The following MSR1 variants were observed in gnomAD, a reference collection of about 807,000 sequenced individuals.
MSR1 encodes macrophage scavenger receptor types I and II.
A neutral mutation model predicts 47.2 loss-of-function variants in MSR1; 53 were observed. That is an observed-to-expected ratio of 1.12 (90% confidence interval 0.90 to 1.41). The LOEUF (loss-of-function observed/expected upper bound fraction) is 1.41, where lower values mean the gene tolerates loss of function less well. Among genes scored for constraint, MSR1 ranks in the 40% most tolerant of loss-of-function variants. MSR1 has a pLI of 0.00. For missense variants in MSR1, 786 were observed against 546.9 expected (o/e 1.44, Z -4.36); for synonymous variants, 239 against 185.6 (o/e 1.29, Z -2.34).
At chr8:16,167,058 C>T (rs1021681653) in intron 4 of MSR1, among the ~76,000 whole-genome samples, 1 of 152,078 alleles carries the variant, frequency 6.6e-6, no homozygotes, top group African/African-American at 2.4e-5. Context: ...TTTCACCATT[C>T]CCTTGCATTT....
intron 1 of MSR1, among the ~76,000 whole-genome samples, chr8:16,181,719 A>C (rs1406716544): frequency 1.3e-5 from 2 of 152,176 alleles, no homozygotes; most frequent in Non-Finnish European, 2.9e-5. Flanking sequence ...TGATGGGTGC[A>C]CCAAACCACC....
At chr8:16,175,823 A>G (rs1178311990) in intron 2 of MSR1, among the ~76,000 whole-genome samples, 1 of 152,192 alleles carries the variant, frequency 6.6e-6, no homozygotes, top group Non-Finnish European at 1.5e-5. Context: ...TACAGTGTAA[A>G]CAATATTTAA....
intron 8 of MSR1, chr8:16,121,081 A>C (rs1240479635): frequency 2.6e-6 from 1 of 390,214 alleles, no homozygotes; most frequent in Non-Finnish European, 4.9e-6. Flanking sequence ...AAAATAGGTG[A>C]TCAAACTTCA....
intron 8 of MSR1, among the ~76,000 whole-genome samples, chr8:16,138,344 G>A (rs1488464609): frequency 1.3e-5 from 2 of 152,152 alleles, no homozygotes; most frequent in African/African-American, 2.4e-5. Flanking sequence ...GTTAAGGTGA[G>A]AACACAACAG....
rs35281051 is a variant in MSR1 at position 16,109,481 on chromosome 8, T to C, written c.*604A>G. 0.032 allele frequency: 4,889 copies of C among 153,220 alleles called. 167 individuals carry two copies. Among genetic ancestry groups the C allele is most frequent in the East Asian group, 0.14 (728 of 5,186 alleles). 9.5% of individuals were successfully genotyped at this position (153,220 alleles called of 1,614,324 possible). On this transcript the variant is annotated 3_prime_UTR_variant, in exon 10 of 10. Transcript: ENST00000262101. ...TTACTTCATGATTCAATTAAACAGT[T>C]GTCAGTACATGACAAGAAAAATAAG...
At chr8:16,118,944 C>T (rs1799937176) in intron 9 of MSR1, among the ~76,000 whole-genome samples, 1 of 152,138 alleles carries the variant, frequency 6.6e-6, no homozygotes, top group Non-Finnish European at 1.5e-5. Context: ...TTCAAACCCA[C>T]ACTTTTCAAC....
chr8:16,189,834 T>C (rs1802142884), intron 1 of MSR1, among the ~76,000 whole-genome samples: 2 of 145,292 alleles, frequency 1.4e-5, no homozygotes, highest in Admixed American at 7.2e-5. Context: ...TTCTAAAATA[T>C]AATTTTTTCT....
chr8:16,126,261 T>C (rs1216889415), intron 8 of MSR1, among the ~76,000 whole-genome samples: 1 of 152,146 alleles, frequency 6.6e-6, no homozygotes, highest in Non-Finnish European at 1.5e-5. Context: ...ATGTAAGGTC[T>C]TCTTTGCATG....
intron 3 of MSR1, 127 bp from the exon 4 acceptor site, chr8:16,168,997 A>C: frequency 1.1e-6 from 1 of 945,392 alleles, no homozygotes; most frequent in Non-Finnish European, 1.6e-6. Context: ...TGCTAGGCTA[A>C]ATCGAGTATT....
chr8:16,122,736 A>G lies in MSR1; in HGVS notation c.1034-2130T>C, dbSNP rs533367300. 4.0e-5 allele frequency among the ~76,000 whole-genome samples: 6 copies of G among 151,296 alleles called. No homozygotes were observed. In the South Asian group the frequency reaches 6.3e-4, roughly 16 times the overall value. ...CAGAAACAGATAGTGCTGCTGATAC[A>G]ATCCTTTCATCTCATTTATTGCAAA... On this transcript the variant is annotated intron_variant, in intron 8 of 9. Transcript: ENST00000262101.
intron 8 of MSR1, among the ~76,000 whole-genome samples, chr8:16,138,027 T>C (rs937635128): frequency 6.0e-5 from 9 of 151,014 alleles, no homozygotes; most frequent in African/African-American, 2.2e-4. Context: ...AAAAAGCCCT[T>C]GCCTCACAGG....
At chr8:16,120,667 T>G in intron 8 of MSR1, 61 bp from the exon 9 acceptor site, 5 of 1,486,290 alleles carry the variant, frequency 3.4e-6, no homozygotes, top group Non-Finnish European at 4.5e-6. Context: ...ATTATGTACA[T>G]ACTGCTTTAC....
At position 16,108,821 on chromosome 8, in the gene MSR1, T is replaced by TA. The variant is rs1739805776; in HGVS notation, c.*1263dup. On this transcript the variant is annotated 3_prime_UTR_variant, in exon 10 of 10. Coordinates refer to ENST00000262101, the MANE Select transcript of MSR1 (RefSeq NM_138715.3). ...TATTATGTGTGGTGAGACTTCAGAA[T>TA]ATGAAAAAATGCTTAAGCTTATGCT... 1 of 152,124 alleles carries TA rather than the reference T, an allele frequency of 6.6e-6. No homozygotes were observed. 9.4% of individuals were successfully genotyped at this position (152,124 alleles called of 1,614,324 possible). A position where few individuals can be genotyped will look rare whatever the true frequency, so the allele number is the denominator to read the frequency against.
rs890212274 is a variant in MSR1 at position 16,186,627 on chromosome 8, C to T, written c.-5+5971G>A. ...GTCCAAGCCCCATCATCCCTTTCACCGTGACATTTCTTTTTTTTTTTTTTG... is the reference window on the plus strand; with the variant it reads ...GTCCAAGCCCCATCATCCCTTTCACTGTGACATTTCTTTTTTTTTTTTTTG... On this transcript the variant is annotated intron_variant, in intron 1 of 9. Transcript: ENST00000262101. Among the ~76,000 whole-genome samples the T allele has an allele frequency of 3.7e-4, 54 of 147,268 alleles. 1 individual carries two copies. The highest frequency in any genetic ancestry group is 1.5e-3 in the Admixed American group (21 of 14,124).
At chr8:16,172,534 T>G (rs1801515457) in intron 3 of MSR1, among the ~76,000 whole-genome samples, 1 of 152,164 alleles carries the variant, frequency 6.6e-6, no homozygotes, top group Non-Finnish European at 1.5e-5. Context: ...AGACAGAATT[T>G]TATGGTCTGT....
At chr8:16,117,284 G>A (rs1799898231) in intron 9 of MSR1, among the ~76,000 whole-genome samples, 1 of 152,158 alleles carries the variant, frequency 6.6e-6, no homozygotes, top group African/African-American at 2.4e-5. Flanking sequence ...GATCTAGGTT[G>A]CACGCTTCTT....
Position 16,109,844 on chromosome 8 carries a change from C to T in MSR1, c.*241G>A. 1 of 517,550 alleles carries T rather than the reference C, an allele frequency of 1.9e-6. No homozygotes were observed. Among genetic ancestry groups the T allele is most frequent in the South Asian group, 2.4e-5 (1 of 41,170 alleles). 32.1% of individuals were successfully genotyped at this position (517,550 alleles called of 1,614,324 possible). ...GCTATAAACTTCAAAATGTTCAATTCAGCATATAAGTCATTATATTAGAAA... is the reference window on the plus strand; with the variant it reads ...GCTATAAACTTCAAAATGTTCAATTTAGCATATAAGTCATTATATTAGAAA... On this transcript the variant is annotated 3_prime_UTR_variant, in exon 10 of 10. Coordinates refer to ENST00000262101, the MANE Select transcript of MSR1 (RefSeq NM_138715.3).
chr8:16,160,489 G>A (rs896685223), intron 5 of MSR1, among the ~76,000 whole-genome samples: 1 of 151,956 alleles, frequency 6.6e-6, no homozygotes, highest in East Asian at 1.9e-4. Context: ...AGACAAGGAG[G>A]AGAAGACTTA....
intron 8 of MSR1, 67 bp downstream of exon 8, chr8:16,143,491 G>A (rs1800616141): frequency 2.8e-6 from 4 of 1,419,848 alleles, no homozygotes; most frequent in Non-Finnish European, 4.0e-6. Context: ...CTCAAGCCCA[G>A]ATCTCTAGTA....
Sources: gnomAD v4.1 joint callset for allele counts (sites outside exome capture counted in the v4.1 genomes callset) on GRCh38, gnomAD v4.1.1 for gene constraint, MANE v1.5 for transcripts, NCBI Gene and HGNC (gene_info 2026-07-23, HGNC 2026-07-21) for gene names.